DDX21: variants seen among roughly 807,000 people sequenced by gnomAD.
DDX21 encodes the protein DExD-box helicase 21.
DDX21 carries 18 observed loss-of-function variants against 90.0 expected under a neutral mutation model. The ratio of observed to expected loss-of-function variants is 0.20; its 90% CI spans 0.14 to 0.30. DDX21 has a LOEUF of 0.30. DDX21 is among the 10% of genes least tolerant of loss of function. The pLI is 1.00. For synonymous variants in DDX21, 294 were observed against 318.0 expected (o/e 0.92, Z 0.80); for missense variants, 673 against 944.5 (o/e 0.71, Z 3.77).
At chr10:68,970,425 C>A in intron 8 of DDX21, 75 bp downstream of exon 8, 2 of 1,411,890 alleles carry the variant, frequency 1.4e-6, no homozygotes, top group South Asian at 1.4e-5. Context: ...TGCTCTTGGT[C>A]TGATTTTCAT....
intron 13 of DDX21, among the ~76,000 whole-genome samples, chr10:68,980,552 C>T (rs1843170894): frequency 6.6e-6 from 1 of 152,020 alleles, no homozygotes; most frequent in African/African-American, 2.4e-5. Context: ...GGTGATGATA[C>T]CTATGTTATG....
At chr10:68,964,661 CTTTTTTT>C (rs370442851) in intron 4 of DDX21, among the ~76,000 whole-genome samples, 1 of 100,078 alleles carries the variant, frequency 1.0e-5, no homozygotes, top group African/African-American at 3.8e-5. Flanking sequence ...TGCACCTGGA[CTTTTTTT>C]TTTTTTTTTT....
chr10:68,956,560 A>C, intron 1 of DDX21: 2 of 1,341,124 alleles, frequency 1.5e-6, no homozygotes, highest in Non-Finnish European at 1.9e-6. Flanking sequence ...AGGCATCCAC[A>C]GGTCGGAACT....
Position 68,978,912 on chromosome 10 carries a change from A to G in DDX21, c.1973A>G (p.Lys658Arg). 1 of 1,614,192 alleles carries G rather than the reference A, an allele frequency of 6.2e-7. No individual in the cohort carries two copies. Among genetic ancestry groups the G allele is most frequent in the East Asian group, 2.2e-5 (1 of 44,888 alleles). The change falls in exon 13 of 15, where the codon AAA becomes AGA. Residue 658 changes from lysine to arginine, a missense_variant. Transcript: ENST00000354185. The stretch of plus-strand genomic sequence containing the variant: ...ATTAGTTATGCTTGGAAAGAACTTA[A>G]AGAGCAGCTGGGCGAGGAGATTGAT... ...PNISYAWKEL[K>R]EQLGEEIDSK...
At chr10:68,961,478 G>A (rs1374717276) in intron 2 of DDX21, among the ~76,000 whole-genome samples, 3 of 152,104 alleles carry the variant, frequency 2.0e-5, no homozygotes, top group African/African-American at 4.8e-5. Flanking sequence ...TTTAGTATAT[G>A]CATCTATTAT....
At chr10:68,964,280 G>A (rs750412283) in intron 4 of DDX21, among the ~76,000 whole-genome samples, 5 of 152,092 alleles carry the variant, frequency 3.3e-5, no homozygotes, top group Non-Finnish European at 5.9e-5. Context: ...TTGGCTGTGG[G>A]TTCTTGCAGT....
intron 2 of DDX21, among the ~76,000 whole-genome samples, chr10:68,961,246 A>G (rs375742700): frequency 6.6e-6 from 1 of 152,174 alleles, no homozygotes; most frequent in Non-Finnish European, 1.5e-5. Flanking sequence ...AAAAATACTA[A>G]TTCTAATAGA....
At chr10:68,974,435 C>T (rs1370762366) in intron 10 of DDX21, among the ~76,000 whole-genome samples, 8 of 152,130 alleles carry the variant, frequency 5.3e-5, no homozygotes, top group African/African-American at 1.9e-4. Flanking sequence ...ATAGTTTAGC[C>T]ATGTTGGTTT....
chr10:68,979,223 A>G (rs1843152044), intron 13 of DDX21, among the ~76,000 whole-genome samples: 1 of 152,162 alleles, frequency 6.6e-6, no homozygotes, highest in African/African-American at 2.4e-5. Flanking sequence ...CTCTACCTAA[A>G]TAGCTTATTT....
rs746594575 is a variant in DDX21 at position 68,956,175 on chromosome 10, C to A, written c.-51C>A. On this transcript the variant is annotated 5_prime_UTR_variant, in exon 1 of 15. Coordinates refer to ENST00000354185, the MANE Select transcript of DDX21 (RefSeq NM_004728.4). ...GACCCAGGGTGGGGAACTACCTCTT[C>A]CTCTCCACGCGGTTGAGAAGACCGG... The A allele has an allele frequency of 6.3e-7, 1 of 1,593,728 alleles. No individual in the cohort carries two copies. Among genetic ancestry groups the A allele is most frequent in the Non-Finnish European group, 8.6e-7 (1 of 1,164,964 alleles).
rs1842792600 is a variant in DDX21, at chr10:68,956,309, G to A, written c.84G>A (p.Glu28=). ...GGGAGACACTGCGAAAGCAAACCGA[G>A]GAGGTGAAACGGAGGGACCTGGGGC... The part of the protein sequence containing the change: ...KKGETLRKQT[E]EKEKKEKPKS... Residue 28 remains glutamate (E), a synonymous_variant, in exon 1 of 15, where the codon GAG becomes GAA. Transcript: ENST00000354185. The A allele has an allele frequency of 1.1e-5, 17 of 1,614,214 alleles. No homozygotes were observed. The highest frequency in any genetic ancestry group is 2.2e-5 in the East Asian group (1 of 44,890).
chr10:68,974,791 A>G, intron 11 of DDX21, 48 bp downstream of exon 11: 1 of 1,517,086 alleles, frequency 6.6e-7, no homozygotes, highest in South Asian at 1.2e-5. Context: ...TGGTTCAAAT[A>G]CTGCATGTCT....
intron 9 of DDX21, 82 bp from the exon 10 acceptor site, chr10:68,973,462 AG>A: frequency 6.5e-7 from 1 of 1,546,292 alleles, no homozygotes; most frequent in African/African-American, 1.4e-5. Flanking sequence ...CACAATTGCT[AG>A]TGTTCACTGA....
Position 68,956,221 on chromosome 10 carries a change from T to C in DDX21, c.-5T>C. ...ACCGGTCGGCCTGGGCAACCTGCGC[T>C]GAAGATGCCGGGAAAACTCCGTAGT... On this transcript the variant is annotated 5_prime_UTR_variant, in exon 1 of 15. Transcript: ENST00000354185. 1 of 1,613,830 alleles carries C rather than the reference T, an allele frequency of 6.2e-7. No individual in the cohort carries two copies. Among genetic ancestry groups the C allele is most frequent in the Non-Finnish European group, 8.5e-7 (1 of 1,179,878 alleles).
rs1224728318 is a variant in DDX21 at position 68,960,784 on chromosome 10, A to G, written c.531+535A>G. On this transcript the variant is annotated intron_variant, in intron 2 of 14. Transcript: ENST00000354185. ...AGCGGACTCTGTCTTTAAAAAAAAA[A>G]AAAAAAAAATTAGCATAGTGTCACA... Among the ~76,000 whole-genome samples, 4 of 152,146 alleles carry G rather than the reference A, an allele frequency of 2.6e-5. No homozygotes were observed. The South Asian group carries it at 6.2e-4, about 24-fold the overall frequency.
chr10:68,961,522 T>C (rs1008022093), intron 2 of DDX21, among the ~76,000 whole-genome samples: 5 of 152,198 alleles, frequency 3.3e-5, no homozygotes, highest in African/African-American at 1.2e-4. Flanking sequence ...TGTGCAATCT[T>C]GTATCTTTTT....
At chr10:68,982,419 G>A in intron 14 of DDX21, 124 bp from the exon 15 acceptor site, 1 of 1,338,818 alleles carries the variant, frequency 7.5e-7, no homozygotes, top group Admixed American at 2.8e-5. Context: ...TTTGACCAGT[G>A]ACTTGTTAAG....
chr10:68,977,361 A>G (rs1454176948), intron 11 of DDX21, among the ~76,000 whole-genome samples, 168 bp from the exon 12 acceptor site: 1 of 152,250 alleles, frequency 6.6e-6, no homozygotes, highest in Admixed American at 6.5e-5. Flanking sequence ...ATACAGTCAA[A>G]GGAATGGATT....
In DDX21 at chr10:68,960,349, G is replaced by C. The variant is rs1430716152; in HGVS notation, c.531+100G>C. On this transcript the variant is annotated intron_variant, in intron 2 of 14. Transcript: ENST00000354185. ...GTACTCTTTAATAGTAGGAGAAAAT[G>C]TGATGTGTCAGCACCTTGTGGGTTG... is the stretch of plus-strand genomic sequence containing the variant. 4.8e-6 allele frequency: 6 copies of C among 1,245,906 alleles called. No individual in the cohort carries two copies. The East Asian group carries it at 1.3e-4, about 26-fold the overall frequency. 77.2% of individuals were successfully genotyped at this position (1,245,906 alleles called of 1,614,324 possible).
Sources: gnomAD v4.1 joint callset for allele counts (sites outside exome capture counted in the v4.1 genomes callset) on GRCh38, gnomAD v4.1.1 for gene constraint, MANE v1.5 for transcripts, NCBI Gene and HGNC (gene_info 2026-07-23, HGNC 2026-07-21) for gene names.